The following CD48 variants were observed in gnomAD, a reference collection of about 807,000 sequenced individuals.
CD48 encodes the protein CD48 molecule.
Under a neutral mutation model 22.0 loss-of-function variants are expected in CD48, and 20 were observed. The observed-to-expected ratio is 0.91, with a 90% CI of 0.64 to 1.32. The LOEUF is 1.32. CD48 is among the 40% of genes most tolerant of loss of function. The pLI, the probability that CD48 is intolerant of heterozygous loss-of-function variation, is 0.00. For missense variants in CD48, 307 were observed against 286.5 expected (o/e 1.07, Z -0.52); for synonymous variants, 110 against 110.1 (o/e 1.00, Z 0.01).
At chr1:160,706,616 A>G (rs1177724912) in intron 1 of CD48, among the ~76,000 whole-genome samples, 1 of 152,224 alleles carries the variant, frequency 6.6e-6, no homozygotes, top group African/African-American at 2.4e-5. Flanking sequence ...ATTTTGATTT[A>G]ATTCTAACAG....
intron 1 of CD48, among the ~76,000 whole-genome samples, chr1:160,688,738 G>C (rs1459056840): frequency 6.6e-6 from 1 of 152,200 alleles, no homozygotes; most frequent in African/African-American, 2.4e-5. Flanking sequence ...CGAGGCTTGG[G>C]GGGCGGGTAA....
chr1:160,711,210 A>T (rs1662935408), intron 1 of CD48, among the ~76,000 whole-genome samples: 1 of 152,152 alleles, frequency 6.6e-6, no homozygotes, highest in African/African-American at 2.4e-5. Flanking sequence ...TTTTCTTCCT[A>T]TAATTTTGAT....
chr1:160,705,759 A>G (rs75314015), intron 1 of CD48, among the ~76,000 whole-genome samples: 2,894 of 152,264 alleles, frequency 0.019, 85 homozygotes, highest in African/African-American at 0.066. Flanking sequence ...CAGTCTTGAC[A>G]TTATTGACAT....
intron 1 of CD48, 126 bp from the exon 2 acceptor site, chr1:160,685,315 G>T: frequency 1.5e-6 from 1 of 688,116 alleles, no homozygotes; most frequent in Admixed American, 3.0e-5. Flanking sequence ...CAGTGAGTAT[G>T]GTTTTCACTG....
intron 1 of CD48, among the ~76,000 whole-genome samples, chr1:160,700,351 A>G (rs1439562171): frequency 3.3e-5 from 5 of 152,256 alleles, no homozygotes; most frequent in Non-Finnish European, 7.3e-5. Context: ...GAGCCAATTT[A>G]AAGGAACTAC....
At chr1:160,698,901 C>G (rs893487207) in intron 1 of CD48, 2 of 152,604 alleles carry the variant, frequency 1.3e-5, no homozygotes, top group African/African-American at 4.8e-5. Flanking sequence ...ATCAGAAGTA[C>G]TATGATTATA....
intron 2 of CD48, 99 bp from the exon 3 acceptor site, chr1:160,681,567 A>G (rs1661805699): frequency 6.9e-7 from 1 of 1,447,016 alleles, no homozygotes; most frequent in Non-Finnish European, 9.4e-7. Context: ...AGGGGCCTGA[A>G]TGCCCCAGGA....
intron 1 of CD48, among the ~76,000 whole-genome samples, chr1:160,687,591 G>C (rs1476691177): frequency 6.6e-6 from 1 of 152,168 alleles, no homozygotes; most frequent in Non-Finnish European, 1.5e-5. Flanking sequence ...GCTTCAGCCG[G>C]TCCCTCCATT....
chr1:160,690,445 G>C (rs1174767225), intron 1 of CD48, among the ~76,000 whole-genome samples: 1 of 152,142 alleles, frequency 6.6e-6, no homozygotes, highest in African/African-American at 2.4e-5. Context: ...ACGAAGACCT[G>C]GCACTGAGGG....
In CD48 at chr1:160,692,957, C is replaced by A. The variant is rs186417344; in HGVS notation, c.83-7768G>T. Among the ~76,000 whole-genome samples, 58 of 152,272 alleles carry A rather than the reference C, an allele frequency of 3.8e-4. 1 individual carries two copies. The highest frequency in any genetic ancestry group is 2.7e-3 in the Admixed American group (42 of 15,302). ...TTGGGAGATTCTGGCAAAATCATCT[C>A]TCTCACCCTCTCAATTTTTACAATT... is the stretch of plus-strand genomic sequence containing the variant. On this transcript the variant is annotated intron_variant, in intron 1 of 3. Coordinates refer to ENST00000368046, the MANE Select transcript of CD48 (RefSeq NM_001778.4).
chr1:160,703,452 G>A (rs970504461), intron 1 of CD48, among the ~76,000 whole-genome samples: 3 of 152,134 alleles, frequency 2.0e-5, no homozygotes, highest in African/African-American at 7.2e-5. Context: ...AGTGGATGGG[G>A]GATGGCCTGG....
At chr1:160,709,526 C>CT (rs1662889681) in intron 1 of CD48, among the ~76,000 whole-genome samples, 1 of 152,186 alleles carries the variant, frequency 6.6e-6, no homozygotes, top group Admixed American at 6.5e-5. Flanking sequence ...GTACAATACT[C>CT]TGTCTACTTC....
Position 160,703,997 on chromosome 1 carries a change from T to C in CD48, c.82+7685A>G, listed in dbSNP as rs146030345. ...AGAGAGTAGATACATTTTAGCTTTA[T>C]TAATAATGTCTTGTCCTGTAAAAAA... On this transcript the variant is annotated intron_variant, in intron 1 of 3. Transcript: ENST00000368046. Among the ~76,000 whole-genome samples, 692 of 152,274 alleles carry C rather than the reference T, an allele frequency of 4.5e-3. 13 individuals carry two copies. The highest frequency in any genetic ancestry group is 0.012 in the South Asian group (57 of 4,822).
chr1:160,701,143 A>G (rs1662616034), intron 1 of CD48, among the ~76,000 whole-genome samples: 1 of 145,596 alleles, frequency 6.9e-6, no homozygotes, highest in Non-Finnish European at 1.5e-5. Flanking sequence ...GTAAAAGCAA[A>G]TTTTTCACAA....
At chr1:160,704,249 T>C (rs1391735895) in intron 1 of CD48, among the ~76,000 whole-genome samples, 2 of 152,164 alleles carry the variant, frequency 1.3e-5, no homozygotes, top group Non-Finnish European at 2.9e-5. Context: ...TTACAAAACA[T>C]ATCTTAAACA....
At chr1:160,682,116 T>C (rs1457038218) in intron 2 of CD48, among the ~76,000 whole-genome samples, 1 of 152,070 alleles carries the variant, frequency 6.6e-6, no homozygotes, top group East Asian at 1.9e-4. Context: ...TCTATAAGTA[T>C]CTCATGAAAG....
At chr1:160,694,888 T>C (rs560372721) in intron 1 of CD48, among the ~76,000 whole-genome samples, 3 of 152,360 alleles carry the variant, frequency 2.0e-5, no homozygotes, top group African/African-American at 4.8e-5. Flanking sequence ...AAATGAACAG[T>C]TAGAAAAGGG....
chr1:160,696,857 G>A (rs556687533), intron 1 of CD48, among the ~76,000 whole-genome samples: 62 of 148,432 alleles, frequency 4.2e-4, no homozygotes, highest in Admixed American at 1.4e-3. Context: ...CAATGGACCA[G>A]GATATTGTAG....
intron 2 of CD48, chr1:160,684,643 C>T (rs1314377182): frequency 7.9e-7 from 1 of 1,267,800 alleles, no homozygotes; most frequent in Non-Finnish European, 1.1e-6. Context: ...AGTTTTCCTT[C>T]TCTTCAAAGC....
Sources: allele counts gnomAD v4.1 joint callset (sites outside exome capture counted in the v4.1 genomes callset), GRCh38; gene constraint gnomAD v4.1.1; transcripts MANE v1.5; gene names NCBI Gene and HGNC (gene_info 2026-07-23, HGNC 2026-07-21).